The following SYT2 variants were observed in gnomAD, a reference collection of about 807,000 sequenced individuals.
The protein encoded by SYT2 is synaptotagmin 2.
In SYT2, 15 loss-of-function variants were observed where a neutral mutation model predicts 39.9. The ratio of observed to expected loss-of-function variants is 0.38; its 90% CI spans 0.25 to 0.58. The LOEUF (loss-of-function observed/expected upper bound fraction) is 0.58, where lower values mean the gene tolerates loss of function less well. Among genes scored for constraint, SYT2 ranks in the 20% least tolerant of loss-of-function variants. The pLI is 0.70. For synonymous variants in SYT2, 181 were observed against 204.5 expected (o/e 0.89, Z 0.98); for missense variants, 389 against 530.3 (o/e 0.73, Z 2.62).
rs145074122 is a variant in SYT2 at position 202,630,729 on chromosome 1, C to T, written c.-17-24940G>A. 6.4e-3 allele frequency among the ~76,000 whole-genome samples: 975 copies of T among 152,310 alleles called. 4 individuals are homozygous for T. Among genetic ancestry groups the T allele is most frequent in the Non-Finnish European group, 0.011 (762 of 68,018 alleles). ...AGAGCCTGACCTAGGGCAGGAGAGCCTCCCTGGTCCAGGACACCAGAGGCC... is the reference window on the plus strand; with the variant it reads ...AGAGCCTGACCTAGGGCAGGAGAGCTTCCCTGGTCCAGGACACCAGAGGCC... On this transcript the variant is annotated intron_variant, in intron 1 of 8. Transcript: ENST00000367268.
chr1:202,602,107 C>T, intron 5 of SYT2, 50 bp from the exon 6 acceptor site: 3 of 1,603,022 alleles, frequency 1.9e-6, no homozygotes, highest in Non-Finnish European at 2.6e-6. Context: ...TCACGCACCT[C>T]CAGGGGTGCT....
intron 1 of SYT2, among the ~76,000 whole-genome samples, chr1:202,669,376 A>G (rs6685956): frequency 0.56 from 84,963 of 150,742 alleles, 25,236 homozygotes; most frequent in East Asian, 0.79. Context: ...TTTAGGCTGG[A>G]CGCGGTGGCT....
chr1:202,647,852 T>G (rs1473091767), intron 1 of SYT2, among the ~76,000 whole-genome samples: 1 of 144,746 alleles, frequency 6.9e-6, no homozygotes, highest in Non-Finnish European at 1.5e-5. Context: ...TCCAAATCAC[T>G]GAGCCATGGG....
intron 1 of SYT2, among the ~76,000 whole-genome samples, chr1:202,637,715 AGGCCAAG>A (rs1691778841): frequency 6.6e-6 from 1 of 152,260 alleles, no homozygotes. Flanking sequence ...GGCTGAGGCC[AGGCCAAG>A]GGCCTTCCTT....
At chr1:202,657,732 G>C (rs1334301698) in intron 1 of SYT2, among the ~76,000 whole-genome samples, 1 of 151,994 alleles carries the variant, frequency 6.6e-6, no homozygotes, top group Non-Finnish European at 1.5e-5. Context: ...AACAGCCCTG[G>C]GATCCCCTCA....
intron 1 of SYT2, among the ~76,000 whole-genome samples, chr1:202,696,746 C>T (rs1053960683): frequency 7.9e-5 from 12 of 152,196 alleles, no homozygotes; most frequent in Non-Finnish European, 1.5e-4. Context: ...CTAGTCCTGG[C>T]CCCAACACTG....
chr1:202,624,184 T>G (rs1691281158), intron 1 of SYT2, among the ~76,000 whole-genome samples: 1 of 151,192 alleles, frequency 6.6e-6, no homozygotes. Flanking sequence ...ATGTGGTGGG[T>G]AGGGGTATAT....
chr1:202,709,029 G>T (rs536312971), intron 1 of SYT2, among the ~76,000 whole-genome samples: 1 of 152,220 alleles, frequency 6.6e-6, no homozygotes, highest in Non-Finnish European at 1.5e-5. Flanking sequence ...GCAGCAGTAG[G>T]GGAGGGAGAA....
At chr1:202,604,279 C>T (rs1369725817) in intron 3 of SYT2, 176 bp downstream of exon 3, 23 of 659,002 alleles carry the variant, frequency 3.5e-5, no homozygotes, top group East Asian at 3.3e-4. Flanking sequence ...AGGCCCCCCC[C>T]TCCCAGGGGC....
intron 1 of SYT2, among the ~76,000 whole-genome samples, chr1:202,701,289 T>C (rs1445104498): frequency 2.0e-5 from 3 of 152,206 alleles, no homozygotes; most frequent in Non-Finnish European, 2.9e-5. Flanking sequence ...AGTTTGTTGG[T>C]TGTTCTTTCA....
Position 202,596,695 on chromosome 1 carries a change from G to A in SYT2, c.*62C>T, listed in dbSNP as rs1690309066. On this transcript the variant is annotated 3_prime_UTR_variant, in exon 9 of 9. Transcript: ENST00000367268. ...AAACCTCTAAGGTTGCATAACTGAG[G>A]TATTGATAGCTCTGGATCTTGTCAG... The A allele has an allele frequency of 6.8e-7, 1 of 1,464,552 alleles. No homozygotes were observed. The highest frequency in any genetic ancestry group is 1.9e-5 in the Admixed American group (1 of 53,942). The allele number at this position is 1,464,552 out of a possible 1,614,324, so 90.7% of individuals were successfully genotyped here. A position where few individuals can be genotyped will look rare whatever the true frequency, so the allele number is the denominator to read the frequency against.
chr1:202,673,326 G>C (rs1055059750), intron 1 of SYT2, among the ~76,000 whole-genome samples: 1 of 152,186 alleles, frequency 6.6e-6, no homozygotes, highest in Non-Finnish European at 1.5e-5. Context: ...TAAAAGGTAC[G>C]TGAAAATGGA....
chr1:202,597,051 G>C, intron 8 of SYT2, 88 bp from the exon 9 acceptor site: 17 of 1,193,956 alleles, frequency 1.4e-5, no homozygotes, highest in East Asian at 2.4e-5. Context: ...TACTCCCAAT[G>C]ATTGGGAAGG....
chr1:202,652,344 G>A (rs1692209349), intron 1 of SYT2, among the ~76,000 whole-genome samples: 1 of 152,228 alleles, frequency 6.6e-6, no homozygotes, highest in Non-Finnish European at 1.5e-5. Context: ...GGGGTGACAA[G>A]GAGGGGTCAG....
At chr1:202,654,076 A>C (rs1280806280) in intron 1 of SYT2, among the ~76,000 whole-genome samples, 2 of 152,128 alleles carry the variant, frequency 1.3e-5, no homozygotes, top group Non-Finnish European at 2.9e-5. Flanking sequence ...TCTAGGCCCC[A>C]AAAAGAGGAA....
At chr1:202,679,542 G>C (rs1653474072) in intron 1 of SYT2, among the ~76,000 whole-genome samples, 2 of 152,030 alleles carry the variant, frequency 1.3e-5, no homozygotes, top group African/African-American at 4.8e-5. Context: ...AGCAAGTTTG[G>C]TGCATTACTC....
At chr1:202,685,980 C>T (rs1019480271) in intron 1 of SYT2, among the ~76,000 whole-genome samples, 1 of 151,772 alleles carries the variant, frequency 6.6e-6, no homozygotes, top group Non-Finnish European at 1.5e-5. Context: ...TGCCAGGAAA[C>T]CCCCAGGGTA....
intron 1 of SYT2, among the ~76,000 whole-genome samples, chr1:202,695,170 G>A (rs1653942496): frequency 6.6e-6 from 1 of 152,134 alleles, no homozygotes; most frequent in East Asian, 1.9e-4. Context: ...AGTTGTCATT[G>A]GACCTTTTGT....
At chr1:202,609,340 C>T (rs997959746) in intron 1 of SYT2, among the ~76,000 whole-genome samples, 3 of 152,030 alleles carry the variant, frequency 2.0e-5, no homozygotes, top group South Asian at 2.1e-4. Context: ...AATGAACATA[C>T]GTGTGCATGT....
Sources: gnomAD v4.1 joint callset for allele counts (sites outside exome capture counted in the v4.1 genomes callset) on GRCh38, gnomAD v4.1.1 for gene constraint, MANE v1.5 for transcripts, NCBI Gene and HGNC (gene_info 2026-07-23, HGNC 2026-07-21) for gene names.